DCC: variants seen among roughly 807,000 people sequenced by gnomAD.
DCC encodes the protein DCC netrin 1 receptor.
Under a neutral mutation model 172.5 loss-of-function variants are expected in DCC, and 58 were observed. That is an observed-to-expected ratio of 0.34 (90% CI 0.27 to 0.42). DCC has a LOEUF of 0.42. Ranked by LOEUF, DCC falls within the 10% of genes least tolerant of loss-of-function variation. The probability of loss-of-function intolerance (pLI) is 1.00; values close to 1 mark genes in which losing one functional copy is unlikely to be tolerated. For synonymous variants in DCC, 709 were observed against 644.5 expected (o/e 1.10, Z -1.52); for missense variants, 1,740 against 1,791.0 (o/e 0.97, Z 0.51).
intron 9 of DCC, among the ~76,000 whole-genome samples, chr18:53,200,878 A>C (rs1376508162): frequency 6.6e-6 from 1 of 152,062 alleles, no homozygotes; most frequent in African/African-American, 2.4e-5. Context: ...TGAACAGTTC[A>C]TTTGCAGCTT....
Position 53,359,513 on chromosome 18 carries a change from C to T in DCC, c.2359+19606C>T, listed in dbSNP as rs112335314. On this transcript the variant is annotated intron_variant, in intron 15 of 28. Coordinates refer to ENST00000442544, the MANE Select transcript of DCC (RefSeq NM_005215.4). ...TCCAGAGTTAAAAGAGAAGCTGCAG[C>T]TACATTGTAGTTGTATTTGAATAGA... Among the ~76,000 whole-genome samples, 573 of 152,178 alleles carry T rather than the reference C, an allele frequency of 3.8e-3. 4 individuals carry two copies. Among genetic ancestry groups the T allele is most frequent in the African/African-American group, 0.013 (556 of 41,546 alleles).
chr18:53,321,970 T>G (rs923787040), intron 13 of DCC, 77 bp from the exon 14 acceptor site: 6 of 811,662 alleles, frequency 7.4e-6, no homozygotes, highest in African/African-American at 1.7e-5. Flanking sequence ...ACAATTTTGC[T>G]GAAGCTTTTG....
intron 1 of DCC, among the ~76,000 whole-genome samples, chr18:52,544,698 T>C (rs568600195): frequency 6.6e-6 from 1 of 152,220 alleles, no homozygotes; most frequent in African/African-American, 2.4e-5. Flanking sequence ...TACAGTATCA[T>C]CTGGAAAAAA....
chr18:52,376,038 A>T (rs568054047), intron 1 of DCC, among the ~76,000 whole-genome samples: 1 of 152,186 alleles, frequency 6.6e-6, no homozygotes, highest in Non-Finnish European at 1.5e-5. Flanking sequence ...CCTGGAACCC[A>T]CTAGGCTTTA....
chr18:52,595,146 C>T (rs986946767), intron 1 of DCC, among the ~76,000 whole-genome samples: 1 of 152,174 alleles, frequency 6.6e-6, no homozygotes, highest in Non-Finnish European at 1.5e-5. Context: ...TGGTCCTTCT[C>T]CTGGAAGGAT....
At chr18:52,429,174 T>C (rs990292760) in intron 1 of DCC, among the ~76,000 whole-genome samples, 1 of 152,150 alleles carries the variant, frequency 6.6e-6, no homozygotes, top group East Asian at 1.9e-4. Context: ...TACTAGGTAC[T>C]GCGCTAAGCA....
chr18:52,807,442 CTT>C (rs2038109180), intron 2 of DCC, among the ~76,000 whole-genome samples: 1 of 152,190 alleles, frequency 6.6e-6, no homozygotes, highest in Non-Finnish European at 1.5e-5. Flanking sequence ...ATATTTCACA[CTT>C]TGTCAAAGAG....
chr18:52,966,705 T>C (rs560353971), intron 5 of DCC, among the ~76,000 whole-genome samples: 1 of 152,334 alleles, frequency 6.6e-6, no homozygotes, highest in East Asian at 1.9e-4. Flanking sequence ...TCCTACTGTT[T>C]GTGATCTCAC....
At chr18:53,259,046 T>A (rs1380244907) in intron 12 of DCC, among the ~76,000 whole-genome samples, 1 of 152,206 alleles carries the variant, frequency 6.6e-6, no homozygotes, top group East Asian at 1.9e-4. Flanking sequence ...GCCTTTTTTT[T>A]GTTTTCCATT....
intron 21 of DCC, 93 bp downstream of exon 21, chr18:53,416,249 G>GTCCAGGTGAAA: frequency 1.1e-6 from 1 of 890,182 alleles, no homozygotes; most frequent in Non-Finnish European, 1.9e-6. Flanking sequence ...TTTTCACCTG[G>GTCCAGGTGAAA]ACCATACACC....
chr18:53,096,559 A>G (rs548679487), intron 7 of DCC, among the ~76,000 whole-genome samples: 7 of 152,140 alleles, frequency 4.6e-5, no homozygotes, highest in Admixed American at 2.0e-4. Flanking sequence ...GAGACTCAAA[A>G]TTAAGGAGTG....
In DCC at chr18:53,298,615, G is replaced by A. The variant is rs932432277; in HGVS notation, c.1912-6963G>A. 2.0e-5 allele frequency among the ~76,000 whole-genome samples: 3 copies of A among 149,028 alleles called. No homozygotes were observed. In the Admixed American group the frequency reaches 2.0e-4, roughly 10 times the overall value. ...CAAAACAATAATTGGAAATTAAAAGGTTCTAATTCTTGTTCTAAGGTTTAA... is the reference window on the plus strand; with the variant it reads ...CAAAACAATAATTGGAAATTAAAAGATTCTAATTCTTGTTCTAAGGTTTAA... On this transcript the variant is annotated intron_variant, in intron 12 of 28. Transcript: ENST00000442544.
intron 1 of DCC, among the ~76,000 whole-genome samples, chr18:52,348,946 G>A (rs1252782638): frequency 6.6e-6 from 1 of 152,148 alleles, no homozygotes; most frequent in African/African-American, 2.4e-5. Flanking sequence ...AGGATGCTGG[G>A]ATGCCAGGCT....
At chr18:53,201,800 G>GA (rs2144539954) in intron 9 of DCC, among the ~76,000 whole-genome samples, 1 of 152,098 alleles carries the variant, frequency 6.6e-6, no homozygotes, top group African/African-American at 2.4e-5. Flanking sequence ...CTTTTTCATA[G>GA]AAAAAGTATT....
intron 27 of DCC, among the ~76,000 whole-genome samples, chr18:53,517,206 C>A (rs2046344585): frequency 6.8e-6 from 1 of 147,308 alleles, no homozygotes; most frequent in South Asian, 2.2e-4. Context: ...GAACAAAAAA[C>A]CAAACACCGC....
At chr18:52,492,420 T>C (rs73957905) in intron 1 of DCC, among the ~76,000 whole-genome samples, 8,700 of 151,798 alleles carry the variant, frequency 0.057, 307 homozygotes, top group South Asian at 0.12. Flanking sequence ...GGAACAAGGT[T>C]CTTGAGAGAA....
chr18:53,271,836 C>G (rs997789649), intron 12 of DCC, among the ~76,000 whole-genome samples: 3 of 152,148 alleles, frequency 2.0e-5, no homozygotes, highest in East Asian at 3.9e-4. Flanking sequence ...AGCGTCTCCC[C>G]TTGTCAGCCT....
At chr18:53,053,413 G>T (rs1196536355) in intron 5 of DCC, among the ~76,000 whole-genome samples, 1 of 152,034 alleles carries the variant, frequency 6.6e-6, no homozygotes, top group Non-Finnish European at 1.5e-5. Context: ...ACTGCTGTGG[G>T]TGATTTTTAT....
intron 2 of DCC, among the ~76,000 whole-genome samples, chr18:52,898,096 T>G (rs2039758158): frequency 6.6e-6 from 1 of 152,196 alleles, no homozygotes. Flanking sequence ...AGGCTTTAAT[T>G]TGGAGCAAAC....
Sources: allele counts gnomAD v4.1 joint callset (sites outside exome capture counted in the v4.1 genomes callset), GRCh38; gene constraint gnomAD v4.1.1; transcripts MANE v1.5; gene names NCBI Gene and HGNC (gene_info 2026-07-23, HGNC 2026-07-21).